Variants in MEGF9 observed in about 807,000 individuals in gnomAD.
The protein encoded by MEGF9 is multiple EGF like domains 9, also known as multiple epidermal growth factor-like domains protein 9.
Under a neutral mutation model 46.8 loss-of-function variants are expected in MEGF9, and 6 were observed. That is an observed-to-expected ratio of 0.13 (90% confidence interval 0.07 to 0.25). The LOEUF is 0.25. Among genes scored for constraint, MEGF9 ranks in the 10% least tolerant of loss-of-function variants. The pLI, the probability that MEGF9 is intolerant of heterozygous loss-of-function variation, is 1.00. For synonymous variants in MEGF9, 302 were observed against 330.7 expected, an observed-to-expected ratio of 0.91 and a Z score of 0.94; for missense variants, 683 against 792.4, an observed-to-expected ratio of 0.86 and a Z score of 1.66.
At chr9:120,612,230 T>G (rs1163536049) in intron 4 of MEGF9, among the ~76,000 whole-genome samples, 166 bp downstream of exon 4, 2 of 152,190 alleles carry the variant, frequency 1.3e-5, no homozygotes, top group African/African-American at 4.8e-5. Context: ...TTCACATATA[T>G]ATATATTTGG....
chr9:120,712,656 T>C, intron 1 of MEGF9, among the ~76,000 whole-genome samples: 1 of 152,144 alleles, frequency 6.6e-6, no homozygotes, highest in East Asian at 1.9e-4. Context: ...CATAACCATG[T>C]GGGAAAATTC....
intron 2 of MEGF9, among the ~76,000 whole-genome samples, chr9:120,647,827 A>G (rs1449082216): frequency 2.0e-5 from 3 of 152,088 alleles, no homozygotes; most frequent in Non-Finnish European, 4.4e-5. Context: ...ATGTCCCTCC[A>G]ACTTGCTTAT....
At chr9:120,693,231 T>C (rs1398051602) in intron 1 of MEGF9, among the ~76,000 whole-genome samples, 1 of 122,928 alleles carries the variant, frequency 8.1e-6, no homozygotes, top group Non-Finnish European at 1.6e-5. Context: ...AATTTGAGCA[T>C]GGCAAGAAAA....
In MEGF9 at chr9:120,659,496, C is replaced by A. The variant is rs753455970; in HGVS notation, c.681G>T (p.Arg227=). Residue 227 remains arginine (R), a synonymous_variant, in exon 2 of 6, where the codon CGG becomes CGT. Transcript: ENST00000373930. ...CNQTTGQCEC[R]PGYQGLHCET... is the part of the protein sequence containing the mutation. ...CACAGTGAAGCCCCTGATAACCTGG[C>A]CGACACTCACACTGCCCTGTGGTCT... 1.6e-5 allele frequency: 26 copies of A among 1,613,564 alleles called. No individual in the cohort carries two copies. Among genetic ancestry groups the A allele is most frequent in the Non-Finnish European group, 2.2e-5 (26 of 1,179,798 alleles).
intron 1 of MEGF9, chr9:120,691,323 G>T: frequency 3.0e-6 from 1 of 332,398 alleles, no homozygotes. Flanking sequence ...GTGGGTGAGA[G>T]ATATGAGAAA....
chr9:120,669,849 T>C (rs1356191871), intron 1 of MEGF9, among the ~76,000 whole-genome samples: 2 of 152,190 alleles, frequency 1.3e-5, no homozygotes, highest in Non-Finnish European at 2.9e-5. Flanking sequence ...CAGAAATTGA[T>C]ATCAGAAACG....
intron 2 of MEGF9, among the ~76,000 whole-genome samples, chr9:120,647,923 TTC>T (rs1464181622): frequency 2.1e-5 from 3 of 144,760 alleles, no homozygotes; most frequent in Non-Finnish European, 4.4e-5. Context: ...TCATCTCTCT[TTC>T]TCTTTCTCTT....
intron 3 of MEGF9, among the ~76,000 whole-genome samples, chr9:120,618,506 C>A (rs1486540789): frequency 6.6e-6 from 1 of 151,992 alleles, no homozygotes; most frequent in Non-Finnish European, 1.5e-5. Context: ...AAAATAATAT[C>A]CCCCCACTTC....
chr9:120,614,257 A>G (rs1469305133), intron 3 of MEGF9, among the ~76,000 whole-genome samples: 2 of 152,174 alleles, frequency 1.3e-5, no homozygotes, highest in African/African-American at 4.8e-5. Flanking sequence ...TTCTGACCTC[A>G]AGTGATGCGC....
rs573950234 is a variant in MEGF9 at position 120,636,833 on chromosome 9, G to A, written c.804-14078C>T. Reference sequence around the variant, plus strand: ...GGGAGGTGGGGGGGCGCCCCCGCCCGGCAGCCGCCCCGTCTGGGGGGTGGG... The same window carrying A: ...GGGAGGTGGGGGGGCGCCCCCGCCCAGCAGCCGCCCCGTCTGGGGGGTGGG... On this transcript the variant is annotated intron_variant, in intron 2 of 5. Transcript: ENST00000373930. 7.6e-3 allele frequency among the ~76,000 whole-genome samples: 1,116 copies of A among 146,122 alleles called. 17 individuals carry two copies. Among genetic ancestry groups the A allele is most frequent in the Admixed American group, 0.034 (494 of 14,378 alleles).
intron 2 of MEGF9, among the ~76,000 whole-genome samples, chr9:120,642,261 T>C (rs1383660314): frequency 6.6e-6 from 1 of 152,238 alleles, no homozygotes; most frequent in East Asian, 1.9e-4. Context: ...TCTAGATTTA[T>C]ATTTCCATAG....
At chr9:120,713,718 G>A in intron 1 of MEGF9, 40 bp downstream of exon 1, 11 of 1,274,452 alleles carry the variant, frequency 8.6e-6, no homozygotes, top group Non-Finnish European at 1.1e-5. Flanking sequence ...CGGGGCTGAG[G>A]TGAGGACGGG....
intron 1 of MEGF9, among the ~76,000 whole-genome samples, chr9:120,713,345 G>A (rs2043961544): frequency 6.6e-6 from 1 of 152,186 alleles, no homozygotes; most frequent in African/African-American, 2.4e-5. Flanking sequence ...GGAGCTTTGG[G>A]AGGAATTCCT....
At chr9:120,691,935 T>C (rs763463919) in intron 1 of MEGF9, among the ~76,000 whole-genome samples, 4 of 152,210 alleles carry the variant, frequency 2.6e-5, no homozygotes, top group African/African-American at 7.2e-5. Context: ...ACGGAATAAA[T>C]TGAGTTAGGT....
At chr9:120,618,406 A>T (rs1313155625) in intron 3 of MEGF9, among the ~76,000 whole-genome samples, 2 of 152,192 alleles carry the variant, frequency 1.3e-5, no homozygotes, top group East Asian at 3.8e-4. Context: ...TGCTCAGGTC[A>T]AGTTACTCAT....
chr9:120,649,221 G>A (rs568829796), intron 2 of MEGF9, among the ~76,000 whole-genome samples: 56 of 152,122 alleles, frequency 3.7e-4, no homozygotes, highest in Non-Finnish European at 6.9e-4. Flanking sequence ...GCTTGAATCT[G>A]CAGATGTGGA....
chr9:120,634,446 CTT>C (rs1158273579), intron 2 of MEGF9, among the ~76,000 whole-genome samples: 43 of 46,918 alleles, frequency 9.2e-4, no homozygotes, highest in African/African-American at 2.5e-3. Flanking sequence ...TGTGGAATAT[CTT>C]TTTTTTTTTT....
intron 1 of MEGF9, among the ~76,000 whole-genome samples, chr9:120,694,674 G>A (rs1157776559): frequency 2.6e-5 from 4 of 152,096 alleles, no homozygotes; most frequent in African/African-American, 4.8e-5. Context: ...TACACAAAAG[G>A]AGGCCAAAAA....
chr9:120,634,446 C>CATTTTTTTTTT (rs2043564658), intron 2 of MEGF9, among the ~76,000 whole-genome samples: 4 of 46,930 alleles, frequency 8.5e-5, no homozygotes, highest in Non-Finnish European at 1.2e-4. Context: ...TGTGGAATAT[C>CATTTTTTTTTT]TTTTTTTTTT....
Sources: gnomAD v4.1 joint callset for allele counts (sites outside exome capture counted in the v4.1 genomes callset) on GRCh38, gnomAD v4.1.1 for gene constraint, MANE v1.5 for transcripts, NCBI Gene and HGNC (gene_info 2026-07-23, HGNC 2026-07-21) for gene names.